The following PCDHA5 variants were observed in gnomAD, a reference collection of about 807,000 sequenced individuals.
PCDHA5 encodes the protein protocadherin alpha-5.
A neutral mutation model predicts 61.6 loss-of-function variants in PCDHA5; 43 were observed. The observed-to-expected ratio is 0.70, with a 90% CI of 0.55 to 0.90. The LOEUF (loss-of-function observed/expected upper bound fraction) is 0.90. Among genes scored for constraint, PCDHA5 ranks in the 40% least tolerant of loss-of-function variants. PCDHA5 has a pLI of 0.00. For synonymous variants in PCDHA5, 627 were observed against 543.9 expected, an observed-to-expected ratio of 1.15 and a Z score of -2.13; for missense variants, 1,298 against 1,222.7, an observed-to-expected ratio of 1.06 and a Z score of -0.92.
chr5:140,916,612 G>A (rs1256459125), intron 1 of PCDHA5, among the ~76,000 whole-genome samples: 3 of 152,144 alleles, frequency 2.0e-5, no homozygotes, highest in African/African-American at 7.2e-5. Flanking sequence ...CGGGCCTCAT[G>A]ACTCTACTCA....
chr5:140,952,023 C>T (rs183831358), intron 1 of PCDHA5, among the ~76,000 whole-genome samples: 2 of 152,236 alleles, frequency 1.3e-5, no homozygotes, highest in African/African-American at 2.4e-5. Flanking sequence ...CATGCAAGTC[C>T]GAAATCCAGT....
intron 3 of PCDHA5, chr5:140,989,029 T>C (rs1179991724): frequency 6.6e-6 from 1 of 152,170 alleles, no homozygotes. Context: ...TCAGTTATCA[T>C]TGATTCCTTT....
rs2150471701 is a variant in PCDHA5, at chr5:140,850,183, C to T, written c.2352+26056C>T. On this transcript the variant is annotated intron_variant, in intron 1 of 3. Transcript: ENST00000529859. ...GTGCTGGACGAGAACGACAATGCGC[C>T]GGCGCTGCTGACACCTCGGATGAGG... The T allele has an allele frequency of 1.9e-6, 3 of 1,593,774 alleles. 1 individual carries two copies. Among genetic ancestry groups the T allele is most frequent in the Non-Finnish European group, 1.7e-6 (2 of 1,167,724 alleles).
intron 2 of PCDHA5, 148 bp from the exon 3 acceptor site, chr5:140,982,327 C>A: frequency 7.0e-7 from 1 of 1,419,146 alleles, no homozygotes; most frequent in South Asian, 1.4e-5. Context: ...AGGGTGACTG[C>A]TCAGCAGTAA....
rs370676797 is a variant in PCDHA5, at chr5:141,009,968, A to G, written c.*31A>G. On this transcript the variant is annotated 3_prime_UTR_variant, in exon 4 of 4. Transcript: ENST00000529859. ...TCAAATGGAAACAAGCCACTTAGCC[A>G]GTTTTTGTAATAATGGCAAATCTCT... 1.4e-5 allele frequency: 22 copies of G among 1,586,626 alleles called. No homozygotes were observed. The highest frequency in any genetic ancestry group is 1.6e-5 in the Non-Finnish European group (19 of 1,169,786).
At chr5:140,919,355 A>C (rs2079096245) in intron 1 of PCDHA5, among the ~76,000 whole-genome samples, 1 of 152,174 alleles carries the variant, frequency 6.6e-6, no homozygotes, top group South Asian at 2.1e-4. Flanking sequence ...TTGAATCTAA[A>C]AGTGTCTCCT....
chr5:140,825,394 A>AAT (rs2150139298), intron 1 of PCDHA5: 7,825 of 145,962 alleles, frequency 0.054, 680 homozygotes, highest in African/African-American at 0.19. Flanking sequence ...ATATATATCT[A>AAT]ATATATTATA....
At chr5:140,992,035 G>A (rs529236840) in intron 3 of PCDHA5, among the ~76,000 whole-genome samples, 1 of 151,988 alleles carries the variant, frequency 6.6e-6, no homozygotes, top group Non-Finnish European at 1.5e-5. Flanking sequence ...GTGTGTGTGT[G>A]TGTGTGTGTG....
At chr5:140,843,273 T>A in intron 1 of PCDHA5, 1 of 1,595,994 alleles carries the variant, frequency 6.3e-7, no homozygotes, top group Non-Finnish European at 8.6e-7. Flanking sequence ...CTGGTCCTGG[T>A]GAAGGATCAT....
intron 3 of PCDHA5, among the ~76,000 whole-genome samples, chr5:140,986,402 A>G (rs782590214): frequency 6.6e-6 from 1 of 152,192 alleles, no homozygotes; most frequent in Non-Finnish European, 1.5e-5. Context: ...CCAGTCGCTC[A>G]TGTTACAGCT....
At chr5:140,999,033 G>A (rs1029128098) in intron 3 of PCDHA5, among the ~76,000 whole-genome samples, 6 of 152,148 alleles carry the variant, frequency 3.9e-5, no homozygotes, top group African/African-American at 1.4e-4. Context: ...TTGATACTTC[G>A]TCCAGTGTGC....
In PCDHA5 at chr5:140,920,604, G is replaced by A. The variant is rs182788075; in HGVS notation, c.2353-58345G>A. 4.8e-4 allele frequency among the ~76,000 whole-genome samples: 73 copies of A among 152,238 alleles called. No homozygotes were observed. In the East Asian group the frequency reaches 0.011, roughly 22 times the overall value. On this transcript the variant is annotated intron_variant, in intron 1 of 3. Transcript: ENST00000529859. ...CTCACGCCTGTAATCCCAGCACTTT[G>A]GGAGGCCGAGGCGGATGGATCACAA...
intron 1 of PCDHA5, among the ~76,000 whole-genome samples, chr5:140,925,122 GA>G (rs1298426256): frequency 2.7e-5 from 4 of 150,724 alleles, no homozygotes; most frequent in Non-Finnish European, 4.4e-5. Flanking sequence ...AGGAAGGAAG[GA>G]AAAAAAATTT....
At chr5:140,927,678 A>G in intron 1 of PCDHA5, 1 of 1,614,180 alleles carries the variant, frequency 6.2e-7, no homozygotes, top group Non-Finnish European at 8.5e-7. Context: ...ATCCAGATGA[A>G]GGGTCCAATG....
chr5:140,928,161 C>A, intron 1 of PCDHA5: 3 of 1,613,960 alleles, frequency 1.9e-6, no homozygotes, highest in East Asian at 2.2e-5. Context: ...GTGGCTCACC[C>A]CCACTTAGCA....
At chr5:140,898,410 C>T (rs1554187963) in intron 1 of PCDHA5, among the ~76,000 whole-genome samples, 4 of 152,212 alleles carry the variant, frequency 2.6e-5, no homozygotes. Flanking sequence ...CTACATACGG[C>T]TAGCCAGTTT....
At position 140,870,584 on chromosome 5, in the gene PCDHA5, T is replaced by C. The variant is rs782563992; in HGVS notation, c.2352+46457T>C. The C allele has an allele frequency of 2.5e-6, 4 of 1,613,672 alleles. No homozygotes were observed. In the African/African-American group the frequency reaches 5.3e-5, roughly 22 times the overall value. On this transcript the variant is annotated intron_variant, in intron 1 of 3. Coordinates refer to ENST00000529859, the MANE Select transcript of PCDHA5 (RefSeq NM_018908.3). ...AACGCGCTGGTGTCCTACTCGCTGG[T>C]GGAGCGGCGGTTGGGCGACCGCGCG...
At chr5:140,894,808 A>G (rs541905033) in intron 1 of PCDHA5, among the ~76,000 whole-genome samples, 2 of 152,096 alleles carry the variant, frequency 1.3e-5, no homozygotes, top group African/African-American at 4.8e-5. Flanking sequence ...AAATAATTTT[A>G]TATCAGATTT....
At chr5:140,844,055 G>A (rs1371474280) in intron 1 of PCDHA5, among the ~76,000 whole-genome samples, 1 of 149,532 alleles carries the variant, frequency 6.7e-6, no homozygotes, top group Non-Finnish European at 1.5e-5. Flanking sequence ...TTCCCCCAAA[G>A]CGTTTATTCT....
Sources: gnomAD v4.1 joint callset for allele counts (sites outside exome capture counted in the v4.1 genomes callset) on GRCh38, gnomAD v4.1.1 for gene constraint, MANE v1.5 for transcripts, NCBI Gene and HGNC (gene_info 2026-07-23, HGNC 2026-07-21) for gene names.